Variants in SNRPN observed in about 807,000 individuals in gnomAD.
SNRPN encodes the protein small nuclear ribonucleoprotein polypeptide N.
SNRPN carries 7 observed loss-of-function variants against 25.2 expected under a neutral mutation model. The observed-to-expected ratio is 0.28, with a 90% CI of 0.16 to 0.52. The LOEUF (loss-of-function observed/expected upper bound fraction) is 0.52, where lower values mean the gene tolerates loss of function less well. SNRPN is among the 20% of genes least tolerant of loss of function. The probability of loss-of-function intolerance (pLI) is 0.96; values close to 1 mark genes in which losing one functional copy is unlikely to be tolerated. For missense variants in SNRPN, 196 were observed against 322.5 expected, an observed-to-expected ratio of 0.61 and a Z score of 3.00; for synonymous variants, 124 against 110.6, an observed-to-expected ratio of 1.12 and a Z score of -0.76.
At chr15:24,923,916 TATAA>T (rs1223690038) in intron 3 of SNRPN, among the ~76,000 whole-genome samples, 2,079 of 114,512 alleles carry the variant, frequency 0.018, 39 homozygotes, top group Middle Eastern at 0.027. Context: ...TGTGTGTGTA[TATAA>T]ACATTTTTTT....
At chr15:24,897,367 C>T (rs1189817326) in intron 2 of SNRPN, among the ~76,000 whole-genome samples, 1 of 152,094 alleles carries the variant, frequency 6.6e-6, no homozygotes, top group Admixed American at 6.6e-5. Flanking sequence ...TGGGGGGAAT[C>T]ACTTGAGGCC....
chr15:24,916,974 T>G (rs1056328817), intron 2 of SNRPN, among the ~76,000 whole-genome samples: 1 of 152,216 alleles, frequency 6.6e-6, no homozygotes, highest in Admixed American at 6.5e-5. Flanking sequence ...AGTGGCCAGC[T>G]TTTATTCCTT....
chr15:24,824,367 C>T (rs1214587033), intron 1 of SNRPN, among the ~76,000 whole-genome samples: 2 of 152,078 alleles, frequency 1.3e-5, no homozygotes, highest in Non-Finnish European at 2.9e-5. Flanking sequence ...GTTTGTTTTT[C>T]TCCTTACCCA....
chr15:24,912,345 A>G (rs1454070455), intron 2 of SNRPN: 1 of 152,106 alleles, frequency 6.6e-6, no homozygotes, highest in Admixed American at 6.5e-5. Flanking sequence ...GAAACACATA[A>G]TCTGTTTGAC....
chr15:24,956,114 T>C (rs917955708), intron 1 of SNRPN, among the ~76,000 whole-genome samples: 3 of 152,124 alleles, frequency 2.0e-5, no homozygotes, highest in African/African-American at 4.8e-5. Flanking sequence ...ACCCTCGCTT[T>C]AGAGGCTATG....
At chr15:24,952,137 A>G (rs1468903029), upstream of SNRPN, among the ~76,000 whole-genome samples, 4 of 152,150 alleles carry the variant, frequency 2.6e-5, no homozygotes, top group African/African-American at 9.7e-5. Context: ...ACATTTATAC[A>G]TAGGTATATA....
At chr15:24,946,563 G>A (rs868429476) in intron 3 of SNRPN, among the ~76,000 whole-genome samples, 2 of 152,120 alleles carry the variant, frequency 1.3e-5, no homozygotes, top group South Asian at 2.1e-4. Context: ...TTGACTTCCT[G>A]TGCTCAAGCA....
chr15:24,866,811 T>G, intron 1 of SNRPN, among the ~76,000 whole-genome samples: 1 of 152,194 alleles, frequency 6.6e-6, no homozygotes, highest in Non-Finnish European at 1.5e-5. Flanking sequence ...TGCTTAACAT[T>G]TCAGTTAACA....
intron 2 of SNRPN, among the ~76,000 whole-genome samples, chr15:24,904,481 C>G (rs1265970035): frequency 6.6e-6 from 1 of 152,038 alleles, no homozygotes; most frequent in East Asian, 1.9e-4. Context: ...ATGGTGAAAC[C>G]CCGTCTCTAC....
At chr15:24,916,050 T>C (rs2059497902) in intron 2 of SNRPN, among the ~76,000 whole-genome samples, 1 of 147,888 alleles carries the variant, frequency 6.8e-6, no homozygotes, top group Admixed American at 7.0e-5. Flanking sequence ...CGGCTCACTG[T>C]AACCTCTGCC....
chr15:24,934,240 G>C (rs1174613747), intron 3 of SNRPN, among the ~76,000 whole-genome samples: 3 of 152,154 alleles, frequency 2.0e-5, no homozygotes, highest in African/African-American at 7.2e-5. Context: ...GGAGGTTGCA[G>C]TGAGCCGAGA....
At chr15:24,932,500 CTGGG>C (rs2060943159) in intron 3 of SNRPN, among the ~76,000 whole-genome samples, 1 of 152,080 alleles carries the variant, frequency 6.6e-6, no homozygotes, top group African/African-American at 2.4e-5. Context: ...TCCTGAAGTG[CTGGG>C]ATTCCAGGCA....
At chr15:24,950,688 G>C (rs550951389), upstream of SNRPN, among the ~76,000 whole-genome samples, 85 of 150,348 alleles carry the variant, frequency 5.7e-4, no homozygotes, top group African/African-American at 2.1e-3. Flanking sequence ...GCTGGGACCA[G>C]AGGTGTGCAA....
At chr15:24,930,180 G>A (rs1392727591) in intron 3 of SNRPN, among the ~76,000 whole-genome samples, 40 of 61,996 alleles carry the variant, frequency 6.5e-4, no homozygotes, top group South Asian at 2.7e-3. Flanking sequence ...TTTTTTTCTA[G>A]ATAAAAAATA....
rs768299461 is a variant in SNRPN at position 24,872,031 on chromosome 15, A to G, written c.-578-14485A>G. Reference sequence around the variant, plus strand: ...TTTGTCCTCTTTTTAGGGTTGTTTTATACTTCTTGATAGTATATGTTGAAT... The same window carrying G: ...TTTGTCCTCTTTTTAGGGTTGTTTTGTACTTCTTGATAGTATATGTTGAAT... On this transcript the variant is annotated intron_variant, in intron 1 of 11. Coordinates refer to the SNRPN transcript ENST00000400097. Among the ~76,000 whole-genome samples the G allele has an allele frequency of 7.5e-5, 9 of 120,658 alleles. 3 individuals are homozygous for G. The highest frequency in any genetic ancestry group is 1.5e-4 in the Non-Finnish European group (8 of 54,932). The allele number at this position is 120,658 out of a possible 152,430, so 79.2% of individuals were successfully genotyped here.
chr15:24,941,232 C>G (rs1247451574), intron 3 of SNRPN, among the ~76,000 whole-genome samples: 1 of 152,122 alleles, frequency 6.6e-6, no homozygotes, highest in African/African-American at 2.4e-5. Context: ...CTGCCTTGGC[C>G]TCCCAAAGTG....
chr15:24,919,196 G>A (rs1239557821), intron 2 of SNRPN, among the ~76,000 whole-genome samples: 1 of 151,578 alleles, frequency 6.6e-6, no homozygotes, highest in South Asian at 2.1e-4. Context: ...TTGGGAGGCC[G>A]AGGCGGGCGG....
intron 2 of SNRPN, chr15:24,848,246 C>CGGTGGG (rs1555379843): frequency 8.1e-5 from 3 of 37,140 alleles, no homozygotes; most frequent in Non-Finnish European, 1.6e-4. Context: ...GCGGGGGCGG[C>CGGTGGG]GGCGGGGGCG....
intron 4 of SNRPN, chr15:24,975,057 CATT>C (rs1171010454): frequency 2.9e-6 from 2 of 688,058 alleles, no homozygotes; most frequent in East Asian, 2.7e-5. Flanking sequence ...CACCCTACAT[CATT>C]GTGGTTTGGT....
Sources: gnomAD v4.1 joint callset for allele counts (sites outside exome capture counted in the v4.1 genomes callset) on GRCh38, gnomAD v4.1.1 for gene constraint, MANE v1.5 for transcripts, NCBI Gene and HGNC (gene_info 2026-07-23, HGNC 2026-07-21) for gene names.